AGBL1: variants seen among roughly 807,000 people sequenced by gnomAD.
AGBL1 encodes the protein cytosolic carboxypeptidase 4.
A neutral mutation model predicts 118.9 loss-of-function variants in AGBL1; 130 were observed. The observed-to-expected ratio is 1.09, with a 90% CI of 0.95 to 1.26. The LOEUF is 1.26. Among genes scored for constraint, AGBL1 ranks in the 50% most tolerant of loss-of-function variants. The pLI, the probability that AGBL1 is intolerant of heterozygous loss-of-function variation, is 0.00. For missense variants in AGBL1, 1,584 were observed against 1,298.1 expected (o/e 1.22, Z -3.38); for synonymous variants, 555 against 478.9 (o/e 1.16, Z -2.08).
At chr15:86,082,344 G>C (rs1018122438) in intron 1 of AGBL1, among the ~76,000 whole-genome samples, 8 of 152,248 alleles carry the variant, frequency 5.3e-5, no homozygotes, top group Non-Finnish European at 1.2e-4. Context: ...ATTCAAACCA[G>C]TCTGTCTCTT....
At chr15:86,783,924 C>T (rs779456365) in intron 22 of AGBL1, among the ~76,000 whole-genome samples, 4 of 152,166 alleles carry the variant, frequency 2.6e-5, no homozygotes, top group Non-Finnish European at 5.9e-5. Context: ...AGCCACCATG[C>T]CTTGCCCCCA....
intron 22 of AGBL1, among the ~76,000 whole-genome samples, chr15:86,861,219 A>G (rs2141480425): frequency 6.6e-6 from 1 of 152,280 alleles, no homozygotes; most frequent in Middle Eastern, 3.4e-3. Context: ...TCTATGATGC[A>G]CCAACCATAG....
chr15:86,964,132 G>C (rs2081024813), intron 23 of AGBL1, among the ~76,000 whole-genome samples: 2 of 151,774 alleles, frequency 1.3e-5, no homozygotes, highest in Non-Finnish European at 1.5e-5. Flanking sequence ...TATACCTAGA[G>C]AGGTTAAGTT....
At chr15:86,863,230 C>T (rs551285283) in intron 22 of AGBL1, among the ~76,000 whole-genome samples, 1 of 152,174 alleles carries the variant, frequency 6.6e-6, no homozygotes, top group Non-Finnish European at 1.5e-5. Context: ...TAAATGATTC[C>T]TATAAATAAG....
At chr15:86,510,824 A>G (rs910186570) in intron 18 of AGBL1, among the ~76,000 whole-genome samples, 3 of 152,118 alleles carry the variant, frequency 2.0e-5, no homozygotes, top group Non-Finnish European at 4.4e-5. Flanking sequence ...CAGAGAAAAA[A>G]TATTCTGACA....
At chr15:86,710,535 G>C (rs182092277) in intron 22 of AGBL1, among the ~76,000 whole-genome samples, 59 of 152,260 alleles carry the variant, frequency 3.9e-4, no homozygotes, top group African/African-American at 1.3e-3. Context: ...GCGTAGATTT[G>C]TGAAAATAAA....
At chr15:86,304,479 A>G (rs960290965) in intron 17 of AGBL1, among the ~76,000 whole-genome samples, 2 of 152,142 alleles carry the variant, frequency 1.3e-5, no homozygotes, top group South Asian at 2.1e-4. Flanking sequence ...CATTGCCTCT[A>G]TGACTGAGCT....
At chr15:86,920,547 G>C (rs1474029120), downstream of AGBL1, among the ~76,000 whole-genome samples, 2 of 152,078 alleles carry the variant, frequency 1.3e-5, no homozygotes, top group Admixed American at 6.6e-5. Context: ...GATTTCATTG[G>C]GTTTATTTTT....
At chr15:87,010,655 C>G (rs2081549785) in intron 24 of AGBL1, among the ~76,000 whole-genome samples, 1 of 152,190 alleles carries the variant, frequency 6.6e-6, no homozygotes, top group African/African-American at 2.4e-5. Flanking sequence ...CCTTCAGCCT[C>G]AGACTGAGAA....
intron 22 of AGBL1, among the ~76,000 whole-genome samples, chr15:86,754,118 G>A (rs143339564): frequency 6.6e-6 from 1 of 152,020 alleles, no homozygotes; most frequent in Non-Finnish European, 1.5e-5. Flanking sequence ...TAGTAGAAGA[G>A]CTCTAACTAT....
At chr15:86,604,882 G>A (rs1159858398) in intron 21 of AGBL1, among the ~76,000 whole-genome samples, 1 of 145,698 alleles carries the variant, frequency 6.9e-6, no homozygotes, top group Admixed American at 7.1e-5. Context: ...TGCAACCTCC[G>A]CCTCCTGGGT....
At chr15:86,918,557 G>T (rs1477546414), downstream of AGBL1, among the ~76,000 whole-genome samples, 1 of 151,802 alleles carries the variant, frequency 6.6e-6, no homozygotes, top group African/African-American at 2.4e-5. Flanking sequence ...AAAAAAAAAG[G>T]AAATGGATCT....
At chr15:86,356,597 A>G (rs535063394) in intron 17 of AGBL1, among the ~76,000 whole-genome samples, 35 of 152,270 alleles carry the variant, frequency 2.3e-4, no homozygotes, top group African/African-American at 7.9e-4. Context: ...GACTCAGCAC[A>G]GATCCCATGC....
chr15:86,164,451 A>G (rs2077309338), intron 5 of AGBL1, among the ~76,000 whole-genome samples: 1 of 152,182 alleles, frequency 6.6e-6, no homozygotes, highest in South Asian at 2.1e-4. Flanking sequence ...TTGTGACCTT[A>G]GGAAAGCTTG....
intron 24 of AGBL1, among the ~76,000 whole-genome samples, chr15:86,995,270 C>T (rs1004609994): frequency 1.3e-5 from 2 of 151,916 alleles, no homozygotes; most frequent in Non-Finnish European, 2.9e-5. Context: ...GCTTGTAATC[C>T]CAACTATCAG....
intron 6 of AGBL1, among the ~76,000 whole-genome samples, chr15:86,243,974 C>T (rs924043637): frequency 4.0e-5 from 6 of 151,762 alleles, no homozygotes; most frequent in African/African-American, 1.5e-4. Flanking sequence ...GAGCCGAGAT[C>T]ATGCCACTGC....
chr15:86,933,515 T>G (rs925514862), intron 23 of AGBL1, among the ~76,000 whole-genome samples: 10 of 152,182 alleles, frequency 6.6e-5, no homozygotes, highest in Non-Finnish European at 1.5e-4. Flanking sequence ...GAACCTAAGA[T>G]TGATCTTTTG....
chr15:86,498,003 G>A (rs904561857), intron 18 of AGBL1, among the ~76,000 whole-genome samples: 1 of 151,706 alleles, frequency 6.6e-6, no homozygotes, highest in Admixed American at 6.6e-5. Flanking sequence ...TTTGGAGGGG[G>A]TTTCTTGGAG....
At chr15:86,201,301 C>T (rs2141856720) in intron 5 of AGBL1, among the ~76,000 whole-genome samples, 1 of 152,044 alleles carries the variant, frequency 6.6e-6, no homozygotes, top group East Asian at 1.9e-4. Flanking sequence ...ATCTCTGTAC[C>T]CTTAAGAAGA....
Sources: allele counts gnomAD v4.1 joint callset (sites outside exome capture counted in the v4.1 genomes callset), GRCh38; gene constraint gnomAD v4.1.1; transcripts MANE v1.5; gene names NCBI Gene and HGNC (gene_info 2026-07-23, HGNC 2026-07-21).